Variants in MAMDC2 observed in about 807,000 individuals in gnomAD.
The protein encoded by MAMDC2 is MAM domain containing 2.
Under a neutral mutation model 89.8 loss-of-function variants are expected in MAMDC2, and 57 were observed. The observed-to-expected ratio is 0.63, with a 90% CI of 0.51 to 0.79. MAMDC2 has a LOEUF of 0.79. MAMDC2 is among the 30% of genes least tolerant of loss of function. MAMDC2 has a pLI of 0.00. For missense variants in MAMDC2, 800 were observed against 820.6 expected (o/e 0.97, Z 0.31); for synonymous variants, 313 against 293.4 (o/e 1.07, Z -0.68).
chr9:70,053,573 A>G (rs1826962233), intron 2 of MAMDC2, among the ~76,000 whole-genome samples: 2 of 152,206 alleles, frequency 1.3e-5, no homozygotes, highest in African/African-American at 4.8e-5. Context: ...ATTGTGTGCT[A>G]GTCAAGGCTT....
intron 11 of MAMDC2, among the ~76,000 whole-genome samples, chr9:70,178,662 G>A (rs947348040): frequency 6.6e-6 from 1 of 152,208 alleles, no homozygotes; most frequent in African/African-American, 2.4e-5. Context: ...ATCAGAAATG[G>A]TATATAGTCC....
At chr9:70,067,110 T>A (rs1009807269) in intron 2 of MAMDC2, among the ~76,000 whole-genome samples, 3 of 152,196 alleles carry the variant, frequency 2.0e-5, no homozygotes, top group African/African-American at 7.2e-5. Flanking sequence ...TCAGCCTACT[T>A]CATGGATGTT....
intron 8 of MAMDC2, 146 bp downstream of exon 8, chr9:70,140,434 C>A: frequency 1.2e-6 from 1 of 838,912 alleles, no homozygotes; most frequent in Non-Finnish European, 1.8e-6. Context: ...TTGTGTTTGA[C>A]CATTTTTAAA....
chr9:70,047,005 G>A (rs1322518614), intron 2 of MAMDC2, among the ~76,000 whole-genome samples: 2 of 152,170 alleles, frequency 1.3e-5, no homozygotes, highest in African/African-American at 4.8e-5. Context: ...CCATTTCTAG[G>A]TTGGTAAATT....
intron 9 of MAMDC2, among the ~76,000 whole-genome samples, chr9:70,148,722 C>T (rs1190462423): frequency 1.3e-5 from 2 of 149,518 alleles, no homozygotes; most frequent in African/African-American, 2.5e-5. Flanking sequence ...TGGTAATAGC[C>T]CGTCTCTACT....
intron 12 of MAMDC2, among the ~76,000 whole-genome samples, chr9:70,224,472 GA>G (rs2033614415): frequency 6.6e-6 from 1 of 152,160 alleles, no homozygotes; most frequent in South Asian, 2.1e-4. Flanking sequence ...AAAGGCCTGA[GA>G]ACCTAGGGTG....
intron 12 of MAMDC2, among the ~76,000 whole-genome samples, chr9:70,221,033 C>T (rs1177411095): frequency 1.3e-5 from 2 of 152,096 alleles, no homozygotes. Flanking sequence ...ACAGCTACAT[C>T]AGGCATCCAG....
intron 11 of MAMDC2, among the ~76,000 whole-genome samples, chr9:70,180,837 T>G (rs943851569): frequency 1.3e-5 from 2 of 152,232 alleles, no homozygotes; most frequent in African/African-American, 4.8e-5. Flanking sequence ...TCTTTTGCTG[T>G]GCAGAAGCTC....
chr9:70,181,262 G>C (rs940016900), intron 11 of MAMDC2, among the ~76,000 whole-genome samples: 1 of 152,200 alleles, frequency 6.6e-6, no homozygotes, highest in African/African-American at 2.4e-5. Context: ...TAGCCTTGTA[G>C]TATAGTCTGA....
At chr9:70,192,236 C>CT (rs1014877831) in intron 11 of MAMDC2, among the ~76,000 whole-genome samples, 55 of 152,160 alleles carry the variant, frequency 3.6e-4, no homozygotes, top group Admixed American at 2.9e-3. Flanking sequence ...AAAAAATGGT[C>CT]TTTTTTTCTA....
intron 2 of MAMDC2, among the ~76,000 whole-genome samples, chr9:70,075,972 T>A (rs924007868): frequency 1.3e-5 from 2 of 152,178 alleles, no homozygotes; most frequent in African/African-American, 4.8e-5. Flanking sequence ...GGCAAGAGAA[T>A]TCCCTCTCAC....
intron 9 of MAMDC2, among the ~76,000 whole-genome samples, chr9:70,159,937 C>T (rs532613551): frequency 7.0e-4 from 106 of 152,150 alleles, no homozygotes; most frequent in Non-Finnish European, 1.3e-3. Flanking sequence ...ACTGGCTGGG[C>T]ACGGTGACTC....
At chr9:70,049,540 G>A (rs1826840887) in intron 2 of MAMDC2, among the ~76,000 whole-genome samples, 1 of 152,054 alleles carries the variant, frequency 6.6e-6, no homozygotes, top group Non-Finnish European at 1.5e-5. Context: ...TCCCACCCTG[G>A]CATCACAAAG....
chr9:70,180,204 T>A (rs925095966), intron 11 of MAMDC2, among the ~76,000 whole-genome samples: 2 of 152,224 alleles, frequency 1.3e-5, no homozygotes, highest in Non-Finnish European at 2.9e-5. Context: ...CATTCTTTTT[T>A]ATGGCTGCAT....
chr9:70,188,762 A>ATTTTTTTTTTTTTTT lies in MAMDC2; in HGVS notation c.1651+18139_1651+18153dup, dbSNP rs10701601. The ATTTTTTTTTTTTTTT allele has an allele frequency of 1.3e-4, 12 of 95,166 alleles. 2 individuals are homozygous for ATTTTTTTTTTTTTTT. Among genetic ancestry groups the ATTTTTTTTTTTTTTT allele is most frequent in the African/African-American group, 3.0e-4 (7 of 23,440 alleles). The allele number at this position is 95,166 out of a possible 1,614,324, so 5.9% of individuals were successfully genotyped here. A position where few individuals can be genotyped will look rare whatever the true frequency, so the allele number is the denominator to read the frequency against. On this transcript the variant is annotated intron_variant, in intron 11 of 13. Transcript: ENST00000377182. The stretch of plus-strand genomic sequence containing the variant: ...CACTGAGAGGTGATCAAAACAATTG[A>ATTTTTTTTTTTTTTT]TTTTTTTTTTTTTTTTTTTTTTAGA...
intron 2 of MAMDC2, chr9:70,082,649 G>T (rs752376647): frequency 2.6e-5 from 4 of 152,046 alleles, no homozygotes; most frequent in Non-Finnish European, 4.4e-5. Context: ...TAAAGAAGTG[G>T]CTGGACTTCT....
intron 2 of MAMDC2, among the ~76,000 whole-genome samples, chr9:70,095,348 T>C (rs1024685095): frequency 2.0e-5 from 3 of 152,198 alleles, no homozygotes; most frequent in African/African-American, 2.4e-5. Flanking sequence ...CTGAAGCAGA[T>C]AGACGTATCA....
At chr9:70,134,435 T>C (rs554301986) in intron 7 of MAMDC2, among the ~76,000 whole-genome samples, 1 of 151,842 alleles carries the variant, frequency 6.6e-6, no homozygotes, top group Non-Finnish European at 1.5e-5. Context: ...TCTGTAAATC[T>C]TTGAATGCCT....
intron 2 of MAMDC2, among the ~76,000 whole-genome samples, chr9:70,090,014 A>G (rs1040637887): frequency 6.6e-6 from 1 of 152,202 alleles, no homozygotes; most frequent in Non-Finnish European, 1.5e-5. Context: ...CTAGGGGAAC[A>G]TGACAACATG....
Sources: allele counts gnomAD v4.1 joint callset (sites outside exome capture counted in the v4.1 genomes callset), GRCh38; gene constraint gnomAD v4.1.1; transcripts MANE v1.5; gene names NCBI Gene and HGNC (gene_info 2026-07-23, HGNC 2026-07-21).